The following RBMS3 variants were observed in gnomAD, a reference collection of about 807,000 sequenced individuals.
RBMS3 encodes RNA-binding motif, single-stranded-interacting protein 3.
RBMS3 carries 27 observed loss-of-function variants against 66.8 expected under a neutral mutation model. The ratio of observed to expected loss-of-function variants is 0.40; its 90% CI spans 0.30 to 0.56. The LOEUF (loss-of-function observed/expected upper bound fraction) is 0.56. Among genes scored for constraint, RBMS3 ranks in the 20% least tolerant of loss-of-function variants. The pLI is 0.40. For synonymous variants in RBMS3, 188 were observed against 183.0 expected, an observed-to-expected ratio of 1.03 and a Z score of -0.22; for missense variants, 513 against 549.5, an observed-to-expected ratio of 0.93 and a Z score of 0.66.
At chr3:29,744,039 T>G (rs967045142) in intron 5 of RBMS3, among the ~76,000 whole-genome samples, 5 of 151,968 alleles carry the variant, frequency 3.3e-5, no homozygotes, top group Admixed American at 2.6e-4. Context: ...CTAACAAGTT[T>G]CCAGGTGATA....
chr3:29,599,781 C>T (rs939696101), intron 4 of RBMS3, among the ~76,000 whole-genome samples: 2 of 152,054 alleles, frequency 1.3e-5, no homozygotes, highest in Admixed American at 1.3e-4. Flanking sequence ...ATAATGATTG[C>T]TGATTATGGA....
intron 14 of RBMS3, among the ~76,000 whole-genome samples, chr3:29,997,821 G>C (rs534029293): frequency 1.3e-5 from 2 of 152,052 alleles, no homozygotes; most frequent in Non-Finnish European, 2.9e-5. Flanking sequence ...CATACTGAAT[G>C]GGCAAAAACT....
chr3:29,498,793 C>A (rs1486632741), intron 3 of RBMS3, among the ~76,000 whole-genome samples: 2 of 152,110 alleles, frequency 1.3e-5, no homozygotes, highest in East Asian at 3.9e-4. Flanking sequence ...CTTCTAGGAA[C>A]CAACTTGTTT....
At chr3:29,940,388 A>G (rs1033643213) in intron 11 of RBMS3, among the ~76,000 whole-genome samples, 1 of 151,896 alleles carries the variant, frequency 6.6e-6, no homozygotes, top group Admixed American at 6.6e-5. Flanking sequence ...GATTAAGATT[A>G]AGATAGGATT....
chr3:29,610,008 C>A (rs74882473), intron 4 of RBMS3, among the ~76,000 whole-genome samples: 4,389 of 152,096 alleles, frequency 0.029, 223 homozygotes, highest in African/African-American at 0.098. Context: ...ACATTTCAGC[C>A]TTTTCTCATA....
At chr3:29,824,971 A>G (rs780090409) in intron 6 of RBMS3, among the ~76,000 whole-genome samples, 15 of 152,008 alleles carry the variant, frequency 9.9e-5, no homozygotes, top group Admixed American at 2.0e-4. Context: ...AAGATAGTAA[A>G]TGAGGACATT....
chr3:29,859,149 G>T (rs571033499), intron 6 of RBMS3, among the ~76,000 whole-genome samples: 3 of 152,034 alleles, frequency 2.0e-5, no homozygotes, highest in Admixed American at 6.6e-5. Context: ...AAGGATAGGC[G>T]TAAACATGAG....
At chr3:29,641,075 A>T (rs1171434885) in intron 4 of RBMS3, 1 of 152,016 alleles carries the variant, frequency 6.6e-6, no homozygotes, top group East Asian at 1.9e-4. Context: ...AAAGACATAA[A>T]AATCCTCTAT....
chr3:29,458,811 T>C (rs967812814), intron 2 of RBMS3, among the ~76,000 whole-genome samples: 3 of 152,218 alleles, frequency 2.0e-5, no homozygotes, highest in African/African-American at 7.2e-5. Context: ...TATGCCTTTG[T>C]TGAGTGGTCA....
intron 2 of RBMS3, among the ~76,000 whole-genome samples, chr3:29,453,399 T>C (rs1007057724): frequency 6.6e-6 from 1 of 152,198 alleles, no homozygotes; most frequent in Non-Finnish European, 1.5e-5. Context: ...TCAGACCTGG[T>C]GCCAGCCTAA....
At chr3:29,725,617 G>A (rs1275066425) in intron 4 of RBMS3, among the ~76,000 whole-genome samples, 1 of 152,014 alleles carries the variant, frequency 6.6e-6, no homozygotes, top group African/African-American at 2.4e-5. Flanking sequence ...AGAAGAAATG[G>A]ATAAATTCCT....
chr3:29,816,829 C>A (rs535713871), intron 6 of RBMS3, among the ~76,000 whole-genome samples: 2 of 152,222 alleles, frequency 1.3e-5, no homozygotes, highest in South Asian at 2.1e-4. Context: ...TGGTGGCTCA[C>A]GACTGTAATT....
chr3:29,465,093 GC>G (rs1454399104), intron 2 of RBMS3, among the ~76,000 whole-genome samples: 5 of 152,136 alleles, frequency 3.3e-5, no homozygotes, highest in Non-Finnish European at 7.4e-5. Context: ...TTTATCTAGT[GC>G]AATCTCATTT....
intron 1 of RBMS3, among the ~76,000 whole-genome samples, chr3:29,299,835 A>G (rs1024367054): frequency 4.6e-5 from 7 of 151,898 alleles, no homozygotes; most frequent in African/African-American, 1.4e-4. Flanking sequence ...ATGAGGGACA[A>G]CTGTACTTAC....
chr3:29,822,357 T>A (rs765186821), intron 6 of RBMS3, among the ~76,000 whole-genome samples: 2 of 152,202 alleles, frequency 1.3e-5, no homozygotes, highest in African/African-American at 2.4e-5. Flanking sequence ...CATTCTTCAA[T>A]GATGTCTAAG....
intron 4 of RBMS3, among the ~76,000 whole-genome samples, chr3:29,680,201 A>T (rs1396459468): frequency 6.6e-6 from 1 of 152,168 alleles, no homozygotes; most frequent in Non-Finnish European, 1.5e-5. Flanking sequence ...ATTAATGCCT[A>T]TGTGGCCTGA....
intron 7 of RBMS3, among the ~76,000 whole-genome samples, chr3:29,870,921 T>C (rs2059476159): frequency 6.6e-6 from 1 of 152,004 alleles, no homozygotes; most frequent in South Asian, 2.1e-4. Flanking sequence ...AATTTTTTGG[T>C]TTGGGGATGC....
intron 6 of RBMS3, among the ~76,000 whole-genome samples, chr3:29,822,169 C>G (rs1459459515): frequency 6.6e-6 from 1 of 152,178 alleles, no homozygotes; most frequent in Non-Finnish European, 1.5e-5. Context: ...CTCCAACACA[C>G]TTCATCCTTC....
At chr3:29,732,232 A>G (rs1339920919) in intron 4 of RBMS3, among the ~76,000 whole-genome samples, 2 of 152,182 alleles carry the variant, frequency 1.3e-5, no homozygotes, top group African/African-American at 2.4e-5. Context: ...AGAAGGGCTG[A>G]TATTTCAGTC....
Sources: gnomAD v4.1 joint callset for allele counts (sites outside exome capture counted in the v4.1 genomes callset) on GRCh38, gnomAD v4.1.1 for gene constraint, MANE v1.5 for transcripts, NCBI Gene and HGNC (gene_info 2026-07-23, HGNC 2026-07-21) for gene names.